Variants in DCC observed in about 807,000 individuals in gnomAD.
DCC encodes the protein netrin receptor DCC.
A neutral mutation model predicts 172.5 loss-of-function variants in DCC; 58 were observed. The observed-to-expected ratio is 0.34, with a 90% CI of 0.27 to 0.42. DCC has a LOEUF of 0.42. DCC is among the 10% of genes least tolerant of loss of function. DCC has a pLI of 1.00. For synonymous variants in DCC, 709 were observed against 644.5 expected (o/e 1.10, Z -1.52); for missense variants, 1,740 against 1,791.0 (o/e 0.97, Z 0.51).
intron 1 of DCC, among the ~76,000 whole-genome samples, chr18:52,655,982 G>GTATATGTATATATGTGCGTATATACA (rs1474130053): frequency 8.2e-6 from 1 of 121,620 alleles, no homozygotes; most frequent in African/African-American, 3.2e-5. Context: ...GTGTGTGTGT[G>GTATATGTATATATGTGCGTATATACA]TGTGTATATA....
At chr18:53,243,674 G>T (rs1156512128) in intron 12 of DCC, among the ~76,000 whole-genome samples, 3 of 152,086 alleles carry the variant, frequency 2.0e-5, no homozygotes, top group Admixed American at 2.0e-4. Flanking sequence ...CTGAACGCTT[G>T]GAAACTATCA....
intron 1 of DCC, among the ~76,000 whole-genome samples, chr18:52,448,321 G>A (rs534850013): frequency 5.3e-5 from 8 of 152,236 alleles, no homozygotes; most frequent in Non-Finnish European, 8.8e-5. Flanking sequence ...CCACGAATTC[G>A]GTCCCTCATG....
At chr18:53,025,179 A>G (rs2041938845) in intron 5 of DCC, among the ~76,000 whole-genome samples, 1 of 152,176 alleles carries the variant, frequency 6.6e-6, no homozygotes, top group Admixed American at 6.6e-5. Flanking sequence ...TTTACTGACG[A>G]GTCACTGGAA....
intron 2 of DCC, among the ~76,000 whole-genome samples, chr18:52,839,055 T>A (rs1025338798): frequency 1.5e-4 from 23 of 152,124 alleles, no homozygotes; most frequent in Non-Finnish European, 2.4e-4. Context: ...GGAAAAAAAA[T>A]AACTTTAGAG....
In DCC at chr18:53,326,851, G is replaced by A. The variant is rs1335142237; in HGVS notation, c.2164+4694G>A. Among the ~76,000 whole-genome samples, 7 of 152,222 alleles carry A rather than the reference G, an allele frequency of 4.6e-5. No individual in the cohort carries two copies. The East Asian group carries it at 9.6e-4, about 21-fold the overall frequency. ...CAATCATTTTAAACCACATGAAATG[G>A]GAGGCATTCTTTGCTGTAGCTGAAG... is the stretch of plus-strand genomic sequence containing the variant. On this transcript the variant is annotated intron_variant, in intron 14 of 28. Coordinates refer to ENST00000442544, the MANE Select transcript of DCC (RefSeq NM_005215.4).
intron 1 of DCC, among the ~76,000 whole-genome samples, chr18:52,365,678 G>A (rs1291162183): frequency 1.3e-5 from 2 of 152,176 alleles, no homozygotes; most frequent in East Asian, 1.9e-4. Context: ...TATTACTTAC[G>A]CTGGGAGGAC....
intron 2 of DCC, among the ~76,000 whole-genome samples, chr18:52,895,606 C>T (rs1035427884): frequency 6.6e-6 from 1 of 152,132 alleles, no homozygotes; most frequent in Non-Finnish European, 1.5e-5. Flanking sequence ...ACATAATTTT[C>T]TATGGATGTA....
chr18:52,907,347 T>C (rs1388392612), intron 3 of DCC, among the ~76,000 whole-genome samples: 1 of 134,542 alleles, frequency 7.4e-6, no homozygotes, highest in Non-Finnish European at 1.6e-5. Context: ...TATACATATA[T>C]CATGTATATA....
intron 1 of DCC, among the ~76,000 whole-genome samples, chr18:52,582,699 A>G (rs907849600): frequency 3.9e-5 from 6 of 152,198 alleles, no homozygotes; most frequent in Admixed American, 6.5e-5. Flanking sequence ...GATGGCTTCA[A>G]TATATCAGAA....
At chr18:53,294,990 A>AT (rs1001278350) in intron 12 of DCC, among the ~76,000 whole-genome samples, 16 of 152,032 alleles carry the variant, frequency 1.1e-4, no homozygotes, top group Middle Eastern at 3.4e-3. Flanking sequence ...CTTAGCCTTT[A>AT]TTTTTTTTAA....
intron 1 of DCC, among the ~76,000 whole-genome samples, chr18:52,675,343 C>T (rs1763681683): frequency 6.6e-6 from 1 of 152,158 alleles, no homozygotes; most frequent in Admixed American, 6.5e-5. Flanking sequence ...ATGTGAGCCA[C>T]CATGCCCGGC....
intron 1 of DCC, among the ~76,000 whole-genome samples, chr18:52,535,684 A>C (rs1385106620): frequency 6.6e-6 from 1 of 152,218 alleles, no homozygotes; most frequent in Non-Finnish European, 1.5e-5. Context: ...TATTTAAGGG[A>C]AACAATATTT....
At chr18:53,046,729 G>T (rs1422597921) in intron 5 of DCC, among the ~76,000 whole-genome samples, 1 of 151,888 alleles carries the variant, frequency 6.6e-6, no homozygotes, top group African/African-American at 2.4e-5. Context: ...AGAAACTGAA[G>T]TCAAGAAAAG....
At chr18:52,797,108 C>T (rs899495924) in intron 2 of DCC, among the ~76,000 whole-genome samples, 8 of 151,780 alleles carry the variant, frequency 5.3e-5, no homozygotes, top group African/African-American at 1.9e-4. Context: ...AGTTCTAGGA[C>T]TTTTGGTGCT....
chr18:52,451,767 G>T (rs1023939065), intron 1 of DCC, among the ~76,000 whole-genome samples: 3 of 152,044 alleles, frequency 2.0e-5, no homozygotes, highest in Non-Finnish European at 4.4e-5. Flanking sequence ...GAGTCGGCTC[G>T]TAGGGCTGGG....
chr18:52,897,718 G>T (rs908587845), intron 2 of DCC, among the ~76,000 whole-genome samples: 2 of 147,066 alleles, frequency 1.4e-5, no homozygotes, highest in South Asian at 2.1e-4. Context: ...GATCACATAG[G>T]GTGAACATCG....
At chr18:53,519,794 C>T (rs1228874454) in intron 27 of DCC, among the ~76,000 whole-genome samples, 2 of 152,116 alleles carry the variant, frequency 1.3e-5, no homozygotes, top group African/African-American at 4.8e-5. Context: ...CCTGTAGCTA[C>T]AATCTAGATC....
intron 1 of DCC, among the ~76,000 whole-genome samples, chr18:52,733,520 G>C (rs532097729): frequency 5.8e-4 from 88 of 151,816 alleles, no homozygotes; most frequent in Non-Finnish European, 1.2e-3. Context: ...TTTGAGACAG[G>C]GTCTCACTCT....
chr18:52,960,665 A>G (rs1207944118), intron 5 of DCC, among the ~76,000 whole-genome samples: 2 of 151,986 alleles, frequency 1.3e-5, no homozygotes, highest in African/African-American at 4.8e-5. Flanking sequence ...ACATTATGAT[A>G]TTTCCTTGTA....
Sources: gnomAD v4.1 joint callset for allele counts (sites outside exome capture counted in the v4.1 genomes callset) on GRCh38, gnomAD v4.1.1 for gene constraint, MANE v1.5 for transcripts, NCBI Gene and HGNC (gene_info 2026-07-23, HGNC 2026-07-21) for gene names.